The following MAGI2 variants were observed in gnomAD, a reference collection of about 807,000 sequenced individuals.
MAGI2 encodes membrane-associated guanylate kinase, WW and PDZ domain-containing protein 2.
In MAGI2, 35 loss-of-function variants were observed where a neutral mutation model predicts 133.3. The observed-to-expected ratio is 0.26, with a 90% CI of 0.20 to 0.35. The LOEUF is 0.35. Ranked by LOEUF, MAGI2 falls within the 10% of genes least tolerant of loss-of-function variation. The pLI, the probability that MAGI2 is intolerant of heterozygous loss-of-function variation, is 1.00. For synonymous variants in MAGI2, 729 were observed against 710.6 expected, an observed-to-expected ratio of 1.03 and a Z score of -0.41; for missense variants, 1,636 against 1,863.4, an observed-to-expected ratio of 0.88 and a Z score of 2.25.
At chr7:78,901,149 T>C (rs1797593281) in intron 2 of MAGI2, 1 of 152,198 alleles carries the variant, frequency 6.6e-6, no homozygotes, top group African/African-American at 2.4e-5. Context: ...GACCCCACTG[T>C]AATATCTATA....
intron 1 of MAGI2, among the ~76,000 whole-genome samples, chr7:79,186,763 A>ATTTATACAAGAG (rs1216613254): frequency 9.0e-6 from 1 of 111,542 alleles, no homozygotes; most frequent in African/African-American, 2.7e-5. Flanking sequence ...ATATATATAT[A>ATTTATACAAGAG]TATATATATA....
chr7:78,700,084 A>T (rs1307682583), intron 2 of MAGI2, among the ~76,000 whole-genome samples: 1 of 152,170 alleles, frequency 6.6e-6, no homozygotes, highest in East Asian at 1.9e-4. Context: ...TACTGAGAAA[A>T]AGCCAAGCAA....
intron 14 of MAGI2, 96 bp downstream of exon 14, chr7:78,177,915 A>G (rs1826816862): frequency 6.7e-6 from 6 of 889,348 alleles, no homozygotes; most frequent in Non-Finnish European, 1.1e-5. Context: ...GAGTCCTAAA[A>G]CATTTCCTTT....
chr7:78,383,004 T>G (rs1795065412), intron 6 of MAGI2, among the ~76,000 whole-genome samples: 2 of 152,148 alleles, frequency 1.3e-5, no homozygotes, highest in Non-Finnish European at 2.9e-5. Flanking sequence ...CTGTATCAGT[T>G]CATCTGTTAA....
intron 2 of MAGI2, among the ~76,000 whole-genome samples, chr7:78,717,557 A>G (rs1255571436): frequency 6.6e-6 from 1 of 152,152 alleles, no homozygotes; most frequent in East Asian, 1.9e-4. Context: ...AGAGGGTGAA[A>G]ATATCGGAGC....
At chr7:78,888,261 C>T (rs1220529546) in intron 2 of MAGI2, among the ~76,000 whole-genome samples, 1 of 152,222 alleles carries the variant, frequency 6.6e-6, no homozygotes, top group Non-Finnish European at 1.5e-5. Context: ...CCCACCACAG[C>T]TCAAGGAGGC....
chr7:78,822,548 A>G (rs1199976995), intron 2 of MAGI2, among the ~76,000 whole-genome samples: 4 of 151,988 alleles, frequency 2.6e-5, no homozygotes, highest in Admixed American at 6.6e-5. Flanking sequence ...TTTCTTCTCT[A>G]TCTTCAATAG....
intron 1 of MAGI2, among the ~76,000 whole-genome samples, chr7:79,119,679 A>G (rs1019870648): frequency 2.0e-5 from 3 of 152,110 alleles, no homozygotes; most frequent in African/African-American, 7.2e-5. Context: ...AGGACCTTCA[A>G]TCCCAACGCT....
At chr7:79,397,526 T>C (rs1458737018) in intron 1 of MAGI2, among the ~76,000 whole-genome samples, 2 of 152,102 alleles carry the variant, frequency 1.3e-5, no homozygotes, top group Non-Finnish European at 2.9e-5. Context: ...AAAATGTGAC[T>C]ATCTCTAAGC....
chr7:78,450,272 GAATTCATTAAAATGC>G (rs373654834), intron 6 of MAGI2, among the ~76,000 whole-genome samples: 133 of 152,004 alleles, frequency 8.7e-4, no homozygotes, highest in African/African-American at 3.1e-3. Context: ...TCAATCCTGG[GAATTCATTAAAATGC>G]AAGACATTTT....
At chr7:79,012,300 A>G (rs1333854843) in intron 1 of MAGI2, 1 of 152,138 alleles carries the variant, frequency 6.6e-6, no homozygotes, top group East Asian at 1.9e-4. Flanking sequence ...GCTATTATCC[A>G]TGGAATTTCT....
At chr7:78,652,357 C>T (rs897098241) in intron 2 of MAGI2, among the ~76,000 whole-genome samples, 78 of 151,884 alleles carry the variant, frequency 5.1e-4, no homozygotes, top group African/African-American at 1.8e-3. Context: ...TATCAAGGGT[C>T]GCTACCTGAC....
chr7:79,065,033 G>T (rs1814160930), intron 1 of MAGI2, among the ~76,000 whole-genome samples: 1 of 151,956 alleles, frequency 6.6e-6, no homozygotes, highest in Non-Finnish European at 1.5e-5. Context: ...ATTCACACTA[G>T]ATTACCTTCC....
At chr7:78,052,766 C>T (rs529331955) in intron 21 of MAGI2, among the ~76,000 whole-genome samples, 10 of 152,290 alleles carry the variant, frequency 6.6e-5, no homozygotes, top group African/African-American at 2.4e-4. Flanking sequence ...AATGCAGGTA[C>T]ACTGACCCAC....
Position 78,018,985 on chromosome 7 carries a change from C to T in MAGI2, c.*330G>A. The T allele has an allele frequency of 2.5e-6, 1 of 399,064 alleles. No homozygotes were observed. Among genetic ancestry groups the T allele is most frequent in the Non-Finnish European group, 4.4e-6 (1 of 226,402 alleles). 24.7% of individuals were successfully genotyped at this position (399,064 alleles called of 1,614,324 possible). A position where few individuals can be genotyped will look rare whatever the true frequency, so the allele number is the denominator to read the frequency against. The stretch of plus-strand genomic sequence containing the variant: ...ATAAAGTTTGGATGACATCCAAGTC[C>T]TTCATGCAGTGGGGAGGAATATTTT... On this transcript the variant is annotated 3_prime_UTR_variant, in exon 22 of 22. Coordinates refer to ENST00000354212, the MANE Select transcript of MAGI2 (RefSeq NM_012301.4).
chr7:78,665,123 G>T (rs1315811942), intron 2 of MAGI2, among the ~76,000 whole-genome samples: 3 of 152,044 alleles, frequency 2.0e-5, no homozygotes, highest in Admixed American at 2.0e-4. Context: ...GTATTGCAAT[G>T]AGTGAGGGTC....
At chr7:78,773,909 G>A (rs1006314579) in intron 2 of MAGI2, among the ~76,000 whole-genome samples, 1 of 152,154 alleles carries the variant, frequency 6.6e-6, no homozygotes, top group Non-Finnish European at 1.5e-5. Context: ...CAAGGTGAAG[G>A]GCAGATGACA....
chr7:78,418,331 A>T (rs1210086699), intron 6 of MAGI2, among the ~76,000 whole-genome samples: 3 of 152,102 alleles, frequency 2.0e-5, no homozygotes, highest in Non-Finnish European at 4.4e-5. Flanking sequence ...CTGTGTTAAC[A>T]TTTTTTTGAG....
chr7:78,509,435 T>G (rs1795381811), intron 4 of MAGI2: 1 of 152,196 alleles, frequency 6.6e-6, no homozygotes, highest in Non-Finnish European at 1.5e-5. Context: ...GTAAATATAA[T>G]TTTCTCCTTT....
Sources: allele counts gnomAD v4.1 joint callset (sites outside exome capture counted in the v4.1 genomes callset), GRCh38; gene constraint gnomAD v4.1.1; transcripts MANE v1.5; gene names NCBI Gene and HGNC (gene_info 2026-07-23, HGNC 2026-07-21).